FAM193A: variants seen among roughly 807,000 people sequenced by gnomAD.
FAM193A encodes family with sequence similarity 193 member A.
A neutral mutation model predicts 126.5 loss-of-function variants in FAM193A; 22 were observed. The observed-to-expected ratio is 0.17, with a 90% CI of 0.12 to 0.25. The LOEUF (loss-of-function observed/expected upper bound fraction) is 0.25. Ranked by LOEUF, FAM193A falls within the 10% of genes least tolerant of loss-of-function variation. FAM193A has a pLI of 1.00. For synonymous variants in FAM193A, 761 were observed against 646.8 expected (o/e 1.18, Z -2.68); for missense variants, 1,675 against 1,672.8 (o/e 1.00, Z -0.02).
At chr4:2,632,223 T>C (rs557419791) in intron 5 of FAM193A, among the ~76,000 whole-genome samples, 1 of 152,174 alleles carries the variant, frequency 6.6e-6, no homozygotes, top group African/African-American at 2.4e-5. Context: ...ACAGTAAGCA[T>C]TGGCCTTGGT....
intron 7 of FAM193A, among the ~76,000 whole-genome samples, chr4:2,651,679 A>G (rs1745682835): frequency 6.6e-6 from 1 of 152,210 alleles, no homozygotes; most frequent in Non-Finnish European, 1.5e-5. Context: ...GGTGAACCAT[A>G]TCAATGTGAC....
At position 2,663,153 on chromosome 4, in the gene FAM193A, T is replaced by C; in HGVS notation, c.1944T>C (p.Asp648=). The C allele has an allele frequency of 6.2e-7, 1 of 1,614,188 alleles. No homozygotes were observed. ...SSTSSSSSEA[D]DEEADGESSG... is the part of the protein sequence containing the mutation. ...CCAGCAGTAGTTCCTCAGAAGCTGATGATGAAGAAGCGGACGGCGAGAGTA... is the reference window on the plus strand; with the variant it reads ...CCAGCAGTAGTTCCTCAGAAGCTGACGATGAAGAAGCGGACGGCGAGAGTA... Residue 648 remains aspartate (D), a synonymous_variant, in exon 12 of 21, where the codon GAT becomes GAC. Transcript: ENST00000637812.
At chr4:2,729,317 A>G (rs1391405619) in intron 20 of FAM193A, among the ~76,000 whole-genome samples, 3 of 152,006 alleles carry the variant, frequency 2.0e-5, no homozygotes, top group African/African-American at 4.8e-5. Context: ...CACACTACGC[A>G]TGCTCCCTCC....
chr4:2,571,919 A>G (rs1344199172), intron 1 of FAM193A, among the ~76,000 whole-genome samples: 1 of 151,172 alleles, frequency 6.6e-6, no homozygotes, highest in Admixed American at 6.6e-5. Flanking sequence ...TAATCCCAGC[A>G]CTTCGAGAGG....
chr4:2,580,472 AC>A (rs1406512496), intron 1 of FAM193A, among the ~76,000 whole-genome samples: 1 of 152,020 alleles, frequency 6.6e-6, no homozygotes, highest in Non-Finnish European at 1.5e-5. Flanking sequence ...CTGCACATGT[AC>A]CCCCAAATTT....
chr4:2,675,472 G>A (rs1445302059), intron 13 of FAM193A, among the ~76,000 whole-genome samples: 1 of 152,180 alleles, frequency 6.6e-6, no homozygotes, highest in Non-Finnish European at 1.5e-5. Flanking sequence ...TCGTCTTGGA[G>A]AATTGACCCT....
intron 13 of FAM193A, among the ~76,000 whole-genome samples, chr4:2,677,553 A>G (rs1714557071): frequency 6.6e-6 from 1 of 151,914 alleles, no homozygotes; most frequent in African/African-American, 2.4e-5. Flanking sequence ...ATCCTTGGCT[A>G]ATACAGTGAA....
chr4:2,556,214 T>G lies in FAM193A; in HGVS notation c.255+19044T>G, dbSNP rs1025816533. Reference sequence around the variant, plus strand: ...CCCGGCCAGTGAGATACTGTCCTTTTTTTGTTGTTGTTGATGGCGTCTCGC... The same window carrying G: ...CCCGGCCAGTGAGATACTGTCCTTTGTTTGTTGTTGTTGATGGCGTCTCGC... On this transcript the variant is annotated intron_variant, in intron 1 of 20. Transcript: ENST00000637812. Among the ~76,000 whole-genome samples the G allele has an allele frequency of 1.5e-4, 23 of 148,452 alleles. 1 individual carries two copies. The highest frequency in any genetic ancestry group is 7.4e-5 in the Non-Finnish European group (5 of 67,220).
At chr4:2,694,090 C>T (rs1387196674) in intron 16 of FAM193A, among the ~76,000 whole-genome samples, 4 of 152,152 alleles carry the variant, frequency 2.6e-5, no homozygotes, top group Non-Finnish European at 5.9e-5. Flanking sequence ...GGCCGTGGGC[C>T]GCCATGGATA....
intron 2 of FAM193A, among the ~76,000 whole-genome samples, chr4:2,617,740 A>G (rs937414206): frequency 3.3e-5 from 5 of 152,134 alleles, no homozygotes; most frequent in Admixed American, 3.3e-4. Context: ...TTGGAGCGCC[A>G]CCATTTCTGG....
At chr4:2,549,032 G>A (rs1019188254) in intron 1 of FAM193A, among the ~76,000 whole-genome samples, 3 of 150,488 alleles carry the variant, frequency 2.0e-5, no homozygotes, top group Admixed American at 1.3e-4. Context: ...TCCGCCTCCC[G>A]GTTTAGGTGA....
At chr4:2,538,681 G>A (rs1249024515) in intron 1 of FAM193A, among the ~76,000 whole-genome samples, 1 of 150,378 alleles carries the variant, frequency 6.6e-6, no homozygotes, top group Non-Finnish European at 1.5e-5. Flanking sequence ...TCGGGTAGGG[G>A]AGGGCGGGGG....
chr4:2,570,038 C>T (rs1020604183), intron 1 of FAM193A, among the ~76,000 whole-genome samples: 2 of 141,744 alleles, frequency 1.4e-5, no homozygotes, highest in African/African-American at 5.7e-5. Context: ...TCAAATACAT[C>T]TGGAGGTTTT....
At chr4:2,652,928 A>C (rs561343221) in intron 7 of FAM193A, among the ~76,000 whole-genome samples, 1 of 152,216 alleles carries the variant, frequency 6.6e-6, no homozygotes, top group African/African-American at 2.4e-5. Context: ...GAGCCTCACT[A>C]CTGCTTCCTG....
At chr4:2,653,554 C>T (rs1745879733) in intron 7 of FAM193A, among the ~76,000 whole-genome samples, 1 of 152,094 alleles carries the variant, frequency 6.6e-6, no homozygotes, top group Non-Finnish European at 1.5e-5. Flanking sequence ...AGCAATTCTC[C>T]TGCCTCAGCC....
intron 17 of FAM193A, 63 bp downstream of exon 17, chr4:2,695,192 GA>G (rs2109288289): frequency 7.1e-7 from 1 of 1,413,220 alleles, no homozygotes; most frequent in African/African-American, 1.5e-5. Flanking sequence ...CTCCTTTGCA[GA>G]AATTCTGTAC....
chr4:2,584,017 CAA>C (rs1451166051), intron 1 of FAM193A, among the ~76,000 whole-genome samples: 2 of 152,094 alleles, frequency 1.3e-5, no homozygotes, highest in Admixed American at 6.6e-5. Flanking sequence ...TTTGGGGTCT[CAA>C]GAGATCTTTG....
chr4:2,575,697 C>T (rs1330461831), intron 1 of FAM193A, among the ~76,000 whole-genome samples: 2 of 152,006 alleles, frequency 1.3e-5, no homozygotes, highest in Non-Finnish European at 2.9e-5. Flanking sequence ...GAACTCCTGA[C>T]CTCAGGGGAT....
chr4:2,552,847 C>CTTTTTT (rs5855745), intron 1 of FAM193A, among the ~76,000 whole-genome samples: 9 of 119,368 alleles, frequency 7.5e-5, no homozygotes, highest in African/African-American at 2.0e-4. Flanking sequence ...ACAGAACTTT[C>CTTTTTT]TTTTTTTTTT....
Sources: gnomAD v4.1 joint callset for allele counts (sites outside exome capture counted in the v4.1 genomes callset) on GRCh38, gnomAD v4.1.1 for gene constraint, MANE v1.5 for transcripts, NCBI Gene and HGNC (gene_info 2026-07-23, HGNC 2026-07-21) for gene names.